SLC7A7: variants seen among roughly 807,000 people sequenced by gnomAD.
SLC7A7 encodes the protein solute carrier family 7 member 7, also known as Y+L amino acid transporter 1.
Under a neutral mutation model 47.9 loss-of-function variants are expected in SLC7A7, and 39 were observed. The observed-to-expected ratio is 0.81, with a 90% confidence interval of 0.63 to 1.06. SLC7A7 has a LOEUF of 1.06. Among genes scored for constraint, SLC7A7 ranks in the 50% least tolerant of loss-of-function variants. The pLI is 0.00. For synonymous variants in SLC7A7, 234 were observed against 242.8 expected (o/e 0.96, Z 0.34); for missense variants, 588 against 632.0 (o/e 0.93, Z 0.75).
chr14:22,791,316 G>A (rs1449599135), intron 2 of SLC7A7, among the ~76,000 whole-genome samples: 5 of 152,004 alleles, frequency 3.3e-5, no homozygotes, highest in African/African-American at 1.2e-4. Context: ...TAGAATTTAC[G>A]GTTAGGAACT....
At chr14:22,796,817 C>T (rs1448312905) in intron 2 of SLC7A7, among the ~76,000 whole-genome samples, 2 of 152,206 alleles carry the variant, frequency 1.3e-5, no homozygotes, top group African/African-American at 4.8e-5. Context: ...CACCTATCCT[C>T]TTGCTGAGAG....
intron 2 of SLC7A7, among the ~76,000 whole-genome samples, chr14:22,791,506 G>A (rs142602349): frequency 6.6e-6 from 1 of 152,252 alleles, no homozygotes; most frequent in African/African-American, 2.4e-5. Context: ...GCAGTCCCTA[G>A]GCTTAATTGG....
chr14:22,800,288 G>A (rs528466361), intron 2 of SLC7A7, among the ~76,000 whole-genome samples: 6 of 152,188 alleles, frequency 3.9e-5, no homozygotes, highest in Admixed American at 3.9e-4. Flanking sequence ...TAATATAGTT[G>A]GTGCAATAGA....
At chr14:22,803,389 G>A (rs948525419) in intron 2 of SLC7A7, among the ~76,000 whole-genome samples, 2 of 152,142 alleles carry the variant, frequency 1.3e-5, no homozygotes, top group Non-Finnish European at 2.9e-5. Context: ...TTGCACTCCA[G>A]CCTGGGCAAC....
chr14:22,773,323 A>G lies in SLC7A7; in HGVS notation c.*287T>C, dbSNP rs946469883. 1.5e-5 allele frequency: 8 copies of G among 532,124 alleles called. No homozygotes were observed. The highest frequency in any genetic ancestry group is 3.6e-6 in the Non-Finnish European group (1 of 278,542). 33.0% of individuals were successfully genotyped at this position (532,124 alleles called of 1,614,324 possible). A position where few individuals can be genotyped will look rare whatever the true frequency, so the allele number is the denominator to read the frequency against. On this transcript the variant is annotated 3_prime_UTR_variant, in exon 10 of 10. Transcript: ENST00000674313. ...AGCATTGTGGGCCCTTTTAAAAGAA[A>G]AGAGGAGTAGGTAGGCACACCCAGG...
intron 2 of SLC7A7, among the ~76,000 whole-genome samples, chr14:22,811,390 G>A (rs2039303338): frequency 6.6e-6 from 1 of 152,198 alleles, no homozygotes; most frequent in Non-Finnish European, 1.5e-5. Flanking sequence ...GGCTCTCCCA[G>A]GTTGGAAGGG....
intron 1 of SLC7A7, among the ~76,000 whole-genome samples, chr14:22,813,789 A>ATTTT (rs34654418): frequency 0.021 from 2,034 of 96,242 alleles, 196 homozygotes; most frequent in African/African-American, 0.077. Context: ...CGCGTGGCTA[A>ATTTT]TTTTTTTTTT....
At position 22,794,905 on chromosome 14, in the gene SLC7A7, C is replaced by T. The variant is rs796692392; in HGVS notation, c.500-14854G>A. 1.1e-3 allele frequency among the ~76,000 whole-genome samples: 160 copies of T among 152,022 alleles called. 3 individuals carry two copies. Among genetic ancestry groups the T allele is most frequent in the South Asian group, 4.2e-4 (2 of 4,816 alleles). On this transcript the variant is annotated intron_variant, in intron 2 of 9. Coordinates refer to ENST00000674313, the MANE Select transcript of SLC7A7 (RefSeq NM_003982.4). ...TCTGAAGCATGGTGACAATTGAGAA[C>T]GGCTTTTCCCACCTCTAGTGACACA...
intron 2 of SLC7A7, among the ~76,000 whole-genome samples, chr14:22,786,764 T>C (rs980082073): frequency 6.6e-6 from 1 of 151,808 alleles, no homozygotes; most frequent in Non-Finnish European, 1.5e-5. Flanking sequence ...TGAGAACACA[T>C]CTCCACAAAA....
At chr14:22,779,368 A>G (rs1294768145) in intron 3 of SLC7A7, among the ~76,000 whole-genome samples, 1 of 152,214 alleles carries the variant, frequency 6.6e-6, no homozygotes, top group Non-Finnish European at 1.5e-5. Context: ...CATGGAAGTT[A>G]AAGGACAGAC....
rs1225448681 is a variant in SLC7A7 at position 22,812,931 on chromosome 14, A to G, written c.468T>C (p.Ala156=). ...PLFPSCFAPY[A]ASRLLAAACI... is the part of the protein sequence containing the mutation. The stretch of plus-strand genomic sequence containing the variant: ...AGGCAGCAGCCAGCAGGCGGCTGGC[A>G]GCATAAGGGGCGAAGCAGCTCGGGA... Residue 156 remains alanine, a synonymous_variant, in exon 2 of 10, where the codon GCT becomes GCC. Transcript: ENST00000674313. The G allele has an allele frequency of 1.2e-6, 2 of 1,613,804 alleles. No homozygotes were observed. The highest frequency in any genetic ancestry group is 1.7e-6 in the Non-Finnish European group (2 of 1,179,998).
chr14:22,816,943 C>T (rs2039414456), upstream of SLC7A7, among the ~76,000 whole-genome samples: 1 of 151,962 alleles, frequency 6.6e-6, no homozygotes, highest in Non-Finnish European at 1.5e-5. Flanking sequence ...TCCTTTTCTC[C>T]AAAATGCTCC....
At chr14:22,805,340 AG>A (rs1410665450) in intron 2 of SLC7A7, among the ~76,000 whole-genome samples, 1 of 152,222 alleles carries the variant, frequency 6.6e-6, no homozygotes, top group Non-Finnish European at 1.5e-5. Context: ...ATTCCAGCCT[AG>A]GTGACAGAGC....
At chr14:22,818,481 G>C (rs996402301), upstream of SLC7A7, among the ~76,000 whole-genome samples, 2 of 152,034 alleles carry the variant, frequency 1.3e-5, no homozygotes, top group Non-Finnish European at 2.9e-5. Context: ...CTGGGTCTTA[G>C]GGTAATGCTT....
At chr14:22,782,423 T>TC (rs2139401577) in intron 2 of SLC7A7, among the ~76,000 whole-genome samples, 1 of 149,774 alleles carries the variant, frequency 6.7e-6, no homozygotes, top group South Asian at 2.1e-4. Context: ...TATTTTTTTT[T>TC]ATTTACTTAT....
intron 2 of SLC7A7, among the ~76,000 whole-genome samples, chr14:22,799,964 A>G (rs2039084209): frequency 6.6e-6 from 1 of 152,164 alleles, no homozygotes; most frequent in Admixed American, 6.6e-5. Flanking sequence ...AACTGGCGTC[A>G]CCATCCACCC....
At chr14:22,807,586 C>A (rs2039235457) in intron 2 of SLC7A7, among the ~76,000 whole-genome samples, 1 of 152,004 alleles carries the variant, frequency 6.6e-6, no homozygotes, top group Non-Finnish European at 1.5e-5. Flanking sequence ...TAAAAATAAA[C>A]AATAGCTTCC....
intron 4 of SLC7A7, among the ~76,000 whole-genome samples, chr14:22,778,583 T>A (rs1006682137): frequency 1.2e-4 from 18 of 149,024 alleles, no homozygotes; most frequent in South Asian, 2.1e-4. Flanking sequence ...CCTTTAAAAA[T>A]TTACAAAGCA....
In SLC7A7 at chr14:22,773,662, T is replaced by TC. The variant is rs1566438409; in HGVS notation, c.1483dup (p.Asp495GlyfsTer17). On this transcript the variant is annotated frameshift_variant, in exon 10 of 10. Coordinates refer to ENST00000674313, the MANE Select transcript of SLC7A7 (RefSeq NM_003982.4). LOFTEE classifies it high-confidence loss of function. ...GGGCATCTCTCCTCCATCTTCCAAA[T>TC]CCATTTCTGCAGCAACTGACATACA... The TC allele has an allele frequency of 1.2e-6, 2 of 1,614,022 alleles. No individual in the cohort carries two copies. Among genetic ancestry groups the TC allele is most frequent in the Non-Finnish European group, 1.7e-6 (2 of 1,180,052 alleles).
Sources: gnomAD v4.1 joint callset for allele counts (sites outside exome capture counted in the v4.1 genomes callset) on GRCh38, gnomAD v4.1.1 for gene constraint, MANE v1.5 for transcripts, NCBI Gene and HGNC (gene_info 2026-07-23, HGNC 2026-07-21) for gene names.